CSMD1: variants seen among roughly 807,000 people sequenced by gnomAD.
CSMD1 encodes the protein CUB and sushi domain-containing protein 1.
Under a neutral mutation model 417.5 loss-of-function variants are expected in CSMD1, and 213 were observed. The ratio of observed to expected loss-of-function variants is 0.51; its 90% confidence interval spans 0.46 to 0.57. The LOEUF (loss-of-function observed/expected upper bound fraction) is 0.57, where lower values mean the gene tolerates loss of function less well. Ranked by LOEUF, CSMD1 falls within the 20% of genes least tolerant of loss-of-function variation. CSMD1 has a pLI of 0.00. For missense variants in CSMD1, 6,923 were observed against 4,529.7 expected (o/e 1.53, Z -15.17); for synonymous variants, 2,862 against 1,736.8 (o/e 1.65, Z -16.11).
rs78800575 is a variant in CSMD1 at position 3,515,521 on chromosome 8, G to A, written c.1345-21795C>T. ...CACTGGAAAAATAAAAAAATGGTTG[G>A]CAACTGTTCAGGAGAATGAGAAAGC... is the stretch of plus-strand genomic sequence containing the variant. On this transcript the variant is annotated intron_variant, in intron 10 of 69. Coordinates refer to ENST00000635120, the MANE Select transcript of CSMD1 (RefSeq NM_033225.6). Among the ~76,000 whole-genome samples the A allele has an allele frequency of 5.4e-3, 821 of 152,232 alleles. 12 individuals are homozygous for A. Among genetic ancestry groups the A allele is most frequent in the Admixed American group, 5.7e-3 (87 of 15,282 alleles).
intron 21 of CSMD1, among the ~76,000 whole-genome samples, chr8:3,356,670 C>T (rs1808814476): frequency 6.6e-6 from 1 of 151,366 alleles, no homozygotes; most frequent in Non-Finnish European, 1.5e-5. Flanking sequence ...AACAAAACTC[C>T]ATCTCAAAAC....
chr8:4,198,163 A>C (rs1181871431), intron 3 of CSMD1, among the ~76,000 whole-genome samples: 7 of 152,216 alleles, frequency 4.6e-5, no homozygotes, highest in Admixed American at 1.3e-4. Flanking sequence ...AGCAGTCCCG[A>C]AGCATGATCA....
intron 8 of CSMD1, among the ~76,000 whole-genome samples, chr8:3,592,035 G>A (rs192601433): frequency 1.0e-3 from 154 of 152,220 alleles, no homozygotes; most frequent in African/African-American, 3.5e-3. Context: ...ATAAATAGAT[G>A]ACAGACGAAT....
chr8:3,454,442 G>A (rs929251343), intron 12 of CSMD1, among the ~76,000 whole-genome samples: 2 of 152,154 alleles, frequency 1.3e-5, no homozygotes, highest in African/African-American at 4.8e-5. Context: ...TTTTTGCAGT[G>A]GCTGGTACCG....
rs141264667 is a variant in CSMD1, at chr8:4,174,277, C to G, written c.416-142178G>C. ...AATGAATCTTCAGCAAGAATAGAGG[C>G]TAAGTATTTCATCATTTTTAAAGGT... On this transcript the variant is annotated intron_variant, in intron 3 of 69. Coordinates refer to ENST00000635120, the MANE Select transcript of CSMD1 (RefSeq NM_033225.6). Among the ~76,000 whole-genome samples the G allele has an allele frequency of 5.9e-5, 9 of 152,224 alleles. 1 individual carries two copies. The highest frequency in any genetic ancestry group is 1.3e-4 in the Admixed American group (2 of 15,294).
intron 2 of CSMD1, among the ~76,000 whole-genome samples, chr8:4,437,017 A>G (rs1585072714): frequency 6.6e-6 from 1 of 152,140 alleles, no homozygotes; most frequent in East Asian, 1.9e-4. Context: ...GATTCTCTCT[A>G]TCCCTGAGAT....
chr8:4,057,878 G>C (rs1215132280), intron 3 of CSMD1, among the ~76,000 whole-genome samples: 1 of 152,138 alleles, frequency 6.6e-6, no homozygotes, highest in Non-Finnish European at 1.5e-5. Context: ...GCTGTGTTCT[G>C]TTCCATTGAT....
intron 4 of CSMD1, among the ~76,000 whole-genome samples, chr8:3,999,589 G>T (rs1815496997): frequency 6.6e-6 from 1 of 152,134 alleles, no homozygotes; most frequent in Non-Finnish European, 1.5e-5. Context: ...AGGGGCATAG[G>T]GGTAGTTGAC....
chr8:3,230,349 T>G, intron 26 of CSMD1, 118 bp from the exon 27 acceptor site: 2 of 681,388 alleles, frequency 2.9e-6, no homozygotes. Flanking sequence ...GTCATTTGTC[T>G]ACACATGAAC....
At chr8:4,582,758 A>C (rs1017056915) in intron 2 of CSMD1, among the ~76,000 whole-genome samples, 8 of 152,216 alleles carry the variant, frequency 5.3e-5, no homozygotes, top group Non-Finnish European at 1.5e-5. Flanking sequence ...CCACCGCTGC[A>C]CTGTGGGAGC....
At chr8:4,889,275 C>A (rs372678831) in intron 1 of CSMD1, among the ~76,000 whole-genome samples, 38 of 152,130 alleles carry the variant, frequency 2.5e-4, no homozygotes, top group African/African-American at 8.2e-4. Context: ...AAATCCATAG[C>A]CTAAATTGAA....
chr8:3,814,768 A>G (rs1008151926), intron 5 of CSMD1, among the ~76,000 whole-genome samples: 1 of 152,176 alleles, frequency 6.6e-6, no homozygotes. Context: ...CCAATGGACT[A>G]TTCTGCCACG....
intron 3 of CSMD1, among the ~76,000 whole-genome samples, chr8:4,191,568 T>C (rs763017763): frequency 6.6e-6 from 1 of 152,144 alleles, no homozygotes; most frequent in Non-Finnish European, 1.5e-5. Context: ...TGCTTGTACT[T>C]CATCCATGAA....
chr8:3,944,428 A>T (rs1321319569), intron 5 of CSMD1, among the ~76,000 whole-genome samples: 4 of 152,134 alleles, frequency 2.6e-5, no homozygotes, highest in Non-Finnish European at 4.4e-5. Flanking sequence ...CTTCATATTC[A>T]ACTGATAAAA....
At chr8:3,714,037 T>TAGATAGATAGAC (rs1554519425) in intron 6 of CSMD1, among the ~76,000 whole-genome samples, 1 of 149,418 alleles carries the variant, frequency 6.7e-6, no homozygotes, top group Non-Finnish European at 1.5e-5. Flanking sequence ...GATAGATAGA[T>TAGATAGATAGAC]AGATAGATAG....
chr8:3,301,512 G>T (rs1804405371), intron 25 of CSMD1, among the ~76,000 whole-genome samples: 1 of 152,106 alleles, frequency 6.6e-6, no homozygotes, highest in Admixed American at 6.6e-5. Context: ...TTTCTGGATG[G>T]GATAATAAAA....
Position 3,709,680 on chromosome 8 carries a change from G to GGCTTTTTTTTTTTTT in CSMD1, c.932-1190_932-1189insAAAAAAAAAAAAAGC, listed in dbSNP as rs1554518393. On this transcript the variant is annotated intron_variant, in intron 6 of 69. Transcript: ENST00000635120. ...GATGGGCTTTAAATTGCAGCAGCAT[G>GGCTTTTTTTTTTTTT]TTTTTTTTTTTTTTTTTTTTTTTTT... 3.1e-3 allele frequency among the ~76,000 whole-genome samples: 105 copies of GGCTTTTTTTTTTTTT among 33,690 alleles called. 13 individuals are homozygous for GGCTTTTTTTTTTTTT. The highest frequency in any genetic ancestry group is 0.01 in the African/African-American group (99 of 9,442). The allele number at this position is 33,690 out of a possible 152,430, so 22.1% of individuals were successfully genotyped here. A position where few individuals can be genotyped will look rare whatever the true frequency, so the allele number is the denominator to read the frequency against.
chr8:4,428,643 C>G (rs140089957), intron 2 of CSMD1, among the ~76,000 whole-genome samples: 4 of 151,972 alleles, frequency 2.6e-5, no homozygotes, highest in Non-Finnish European at 4.4e-5. Context: ...AACTACAGAA[C>G]TTTTAGGGCT....
chr8:4,702,040 T>C (rs1037909480), intron 1 of CSMD1, among the ~76,000 whole-genome samples: 1 of 152,146 alleles, frequency 6.6e-6, no homozygotes, highest in Non-Finnish European at 1.5e-5. Context: ...TTCTCACTTA[T>C]AAGTGGGAGC....
Sources: allele counts gnomAD v4.1 joint callset (sites outside exome capture counted in the v4.1 genomes callset), GRCh38; gene constraint gnomAD v4.1.1; transcripts MANE v1.5; gene names NCBI Gene and HGNC (gene_info 2026-07-23, HGNC 2026-07-21).